The following SETBP1 variants were observed in gnomAD, a reference collection of about 807,000 sequenced individuals.
SETBP1 encodes SET binding protein 1.
In SETBP1, 9 loss-of-function variants were observed where a neutral mutation model predicts 101.0. The observed-to-expected ratio is 0.09, with a 90% confidence interval of 0.05 to 0.16. The LOEUF is 0.16. SETBP1 is among the 10% of genes least tolerant of loss of function. The pLI, the probability that SETBP1 is intolerant of heterozygous loss-of-function variation, is 1.00. For missense variants in SETBP1, 1,858 were observed against 2,033.8 expected (o/e 0.91, Z 1.66); for synonymous variants, 818 against 788.5 (o/e 1.04, Z -0.63).
At chr18:44,773,836 T>TGTG (rs2070931362) in intron 2 of SETBP1, among the ~76,000 whole-genome samples, 4 of 36,338 alleles carry the variant, frequency 1.1e-4, no homozygotes, top group South Asian at 7.5e-4. Flanking sequence ...CTCTCTCTGT[T>TGTG]TATGTGTGTG....
rs189666512 is a variant in SETBP1, at chr18:45,040,628, T to C, written c.4171+1973T>C. Among the ~76,000 whole-genome samples, 6 of 152,344 alleles carry C rather than the reference T, an allele frequency of 3.9e-5. No homozygotes were observed. In the East Asian group the frequency reaches 1.2e-3, roughly 29 times the overall value. On this transcript the variant is annotated intron_variant, in intron 5 of 5. Coordinates refer to ENST00000649279, the MANE Select transcript of SETBP1 (RefSeq NM_015559.3). ...ATTTTCCTCCCTTGCACTCTTTCCCTTCAGTATAAGAGAACTTATTGTTGG... is the reference window on the plus strand; with the variant it reads ...ATTTTCCTCCCTTGCACTCTTTCCCCTCAGTATAAGAGAACTTATTGTTGG...
chr18:44,970,209 C>G (rs573726827), intron 4 of SETBP1: 5 of 154,562 alleles, frequency 3.2e-5, no homozygotes, highest in Non-Finnish European at 7.3e-5. Flanking sequence ...GAGTTATCAC[C>G]GAAAGGAAAT....
chr18:44,828,917 T>A (rs1468571670), intron 2 of SETBP1, among the ~76,000 whole-genome samples: 1 of 152,368 alleles, frequency 6.6e-6, no homozygotes, highest in South Asian at 2.1e-4. Flanking sequence ...CACTACACCC[T>A]GCTATAATCT....
chr18:44,737,757 TC>T, intron 2 of SETBP1, among the ~76,000 whole-genome samples: 1 of 152,336 alleles, frequency 6.6e-6, no homozygotes, highest in Admixed American at 6.5e-5. Context: ...GGCTGGAAGT[TC>T]CAGAACAGGG....
intron 2 of SETBP1, among the ~76,000 whole-genome samples, chr18:44,766,208 T>C (rs757118832): frequency 3.9e-5 from 6 of 152,196 alleles, no homozygotes; most frequent in Non-Finnish European, 8.8e-5. Flanking sequence ...ACAGGACATA[T>C]GGAAAATAGA....
Position 44,995,822 on chromosome 18 carries a change from G to A in SETBP1, c.4000+42482G>A, listed in dbSNP as rs544103645. ...AGAAAGCAAACCAACTCCCAAGAGC[G>A]CTTGTTGTATTATATAGCAGCATTA... On this transcript the variant is annotated intron_variant, in intron 4 of 5. Transcript: ENST00000649279. Among the ~76,000 whole-genome samples the A allele has an allele frequency of 5.3e-5, 8 of 152,172 alleles. No individual in the cohort carries two copies. The South Asian group carries it at 8.3e-4, about 16-fold the overall frequency.
In SETBP1 at chr18:44,951,669, C is replaced by T; in HGVS notation, c.2329C>T (p.His777Tyr). 2 of 1,614,198 alleles carry T rather than the reference C, an allele frequency of 1.2e-6. No individual in the cohort carries two copies. The highest frequency in any genetic ancestry group is 1.7e-6 in the Non-Finnish European group (2 of 1,180,022). ...TGTGGCGTCTTCACCAGCAGCTATG[C>T]ACCCACTTTCAACACAGTTAGGTGG... ...SLVASSPAAM[H>Y]PLSTQLGGSN... Residue 777 changes from histidine (H) to tyrosine (Y), a missense_variant, in exon 4 of 6, where the codon CAC becomes TAC. His to Tyr is a moderately conservative substitution (Grantham distance 83, BLOSUM62 2). Transcript: ENST00000649279. This position sits in a 1 kb window ranked among gnomAD's most constrained non-coding sequence, Gnocchi z 7.8.
chr18:44,936,507 G>A (rs1389895881), intron 3 of SETBP1, among the ~76,000 whole-genome samples: 1 of 152,200 alleles, frequency 6.6e-6, no homozygotes, highest in East Asian at 1.9e-4. Context: ...TTATTTGTAA[G>A]TCACATAATT....
At chr18:45,062,255 A>G (rs1039550358) in intron 5 of SETBP1, among the ~76,000 whole-genome samples, 5 of 152,238 alleles carry the variant, frequency 3.3e-5, no homozygotes, top group Admixed American at 6.5e-5. Flanking sequence ...CAGCTGGCCA[A>G]CAGGACATGA....
intron 4 of SETBP1, among the ~76,000 whole-genome samples, chr18:45,002,861 T>A (rs2072645825): frequency 6.6e-6 from 1 of 151,944 alleles, no homozygotes; most frequent in South Asian, 2.1e-4. Context: ...CAGTGTAGAC[T>A]TGGCTAAAAA....
intron 2 of SETBP1, among the ~76,000 whole-genome samples, chr18:44,821,005 A>T (rs1019028860): frequency 3.3e-5 from 5 of 152,168 alleles, no homozygotes; most frequent in Non-Finnish European, 7.3e-5. Flanking sequence ...GCAGGTAAGG[A>T]TCTTGCTCCC....
At chr18:44,727,079 TC>T (rs2069724548) in intron 2 of SETBP1, among the ~76,000 whole-genome samples, 1 of 152,182 alleles carries the variant, frequency 6.6e-6, no homozygotes, top group African/African-American at 2.4e-5. Flanking sequence ...CTCTCTGAAG[TC>T]CTTTTCCATA....
chr18:44,983,230 G>C (rs143644979), intron 4 of SETBP1, among the ~76,000 whole-genome samples: 3 of 152,100 alleles, frequency 2.0e-5, no homozygotes, highest in Non-Finnish European at 2.9e-5. Flanking sequence ...GATTTTGTGC[G>C]TATCAAAACG....
chr18:45,059,738 G>T (rs1227322860), intron 5 of SETBP1, among the ~76,000 whole-genome samples: 1 of 152,182 alleles, frequency 6.6e-6, no homozygotes, highest in Non-Finnish European at 1.5e-5. Context: ...GTGCTCAGTA[G>T]CCACAAGTGG....
intron 3 of SETBP1, among the ~76,000 whole-genome samples, chr18:44,892,999 G>A (rs188629549): frequency 7.9e-5 from 12 of 152,230 alleles, no homozygotes; most frequent in Admixed American, 5.2e-4. Context: ...TAGGGTGATT[G>A]TTAGCAGCCT....
chr18:44,857,505 TGA>T (rs1274922808), intron 2 of SETBP1, among the ~76,000 whole-genome samples: 2 of 152,038 alleles, frequency 1.3e-5, no homozygotes, highest in Non-Finnish European at 2.9e-5. Context: ...AGTGAATTGC[TGA>T]GTGTGTCTGC....
chr18:44,691,356 C>A (rs1300856459), intron 1 of SETBP1, among the ~76,000 whole-genome samples: 1 of 151,602 alleles, frequency 6.6e-6, no homozygotes, highest in Non-Finnish European at 1.5e-5. Context: ...GTTTAACCAC[C>A]CCCCGCCCCC....
At chr18:44,816,802 A>T (rs531021938) in intron 2 of SETBP1, among the ~76,000 whole-genome samples, 3 of 152,272 alleles carry the variant, frequency 2.0e-5, no homozygotes, top group African/African-American at 7.2e-5. Context: ...TTTTTAAAAA[A>T]ACACCTTTCA....
intron 3 of SETBP1, among the ~76,000 whole-genome samples, chr18:44,921,933 T>C (rs1426246213): frequency 6.6e-6 from 1 of 152,116 alleles, no homozygotes; most frequent in Non-Finnish European, 1.5e-5. Flanking sequence ...GCATGTAGGA[T>C]CTTTTGTGAT....
Sources: gnomAD v4.1 joint callset for allele counts (sites outside exome capture counted in the v4.1 genomes callset) on GRCh38, gnomAD v4.1.1 for gene constraint, Gnocchi (gnomAD v3.1) non-coding constraint, MANE v1.5 for transcripts, NCBI Gene and HGNC (gene_info 2026-07-23, HGNC 2026-07-21) for gene names.